Variants in DCC observed in about 807,000 individuals in gnomAD.
DCC encodes DCC netrin 1 receptor.
In DCC, 58 loss-of-function variants were observed where a neutral mutation model predicts 172.5. That is an observed-to-expected ratio of 0.34 (90% CI 0.27 to 0.42). DCC has a LOEUF of 0.42. Ranked by LOEUF, DCC falls within the 10% of genes least tolerant of loss-of-function variation. The pLI, the probability that DCC is intolerant of heterozygous loss-of-function variation, is 1.00. For synonymous variants in DCC, 709 were observed against 644.5 expected (o/e 1.10, Z -1.52); for missense variants, 1,740 against 1,791.0 (o/e 0.97, Z 0.51).
At chr18:52,874,548 G>A (rs1487348681) in intron 2 of DCC, among the ~76,000 whole-genome samples, 1 of 152,112 alleles carries the variant, frequency 6.6e-6, no homozygotes, top group East Asian at 1.9e-4. Flanking sequence ...AAAGTTTTCA[G>A]GTTTAATTTT....
intron 1 of DCC, among the ~76,000 whole-genome samples, chr18:52,482,991 A>T (rs1324671139): frequency 1.3e-5 from 2 of 152,094 alleles, no homozygotes; most frequent in Non-Finnish European, 2.9e-5. Context: ...TCTCAAATGG[A>T]GGTGATAGTA....
At chr18:52,984,576 T>G (rs929601786) in intron 5 of DCC, among the ~76,000 whole-genome samples, 3 of 152,088 alleles carry the variant, frequency 2.0e-5, no homozygotes, top group Non-Finnish European at 4.4e-5. Context: ...TTAAGTGTGT[T>G]TATCCATTTA....
At chr18:53,109,832 G>T (rs545392439) in intron 7 of DCC, among the ~76,000 whole-genome samples, 3 of 151,500 alleles carry the variant, frequency 2.0e-5, no homozygotes, top group East Asian at 3.9e-4. Flanking sequence ...AGGTGGTTCT[G>T]AGTTTTCTGG....
At chr18:53,525,747 C>T (rs1351522604) in intron 27 of DCC, among the ~76,000 whole-genome samples, 1 of 152,118 alleles carries the variant, frequency 6.6e-6, no homozygotes, top group African/African-American at 2.4e-5. Flanking sequence ...TAGAAGAGAA[C>T]TGAGGCCACT....
intron 8 of DCC, among the ~76,000 whole-genome samples, chr18:53,168,857 C>A (rs904855557): frequency 3.3e-5 from 5 of 151,934 alleles, no homozygotes; most frequent in African/African-American, 4.8e-5. Flanking sequence ...GGTCTTTGAA[C>A]CTTGTTCCAT....
At chr18:52,826,306 G>A (rs113575796) in intron 2 of DCC, among the ~76,000 whole-genome samples, 6 of 152,232 alleles carry the variant, frequency 3.9e-5, no homozygotes, top group African/African-American at 7.2e-5. Context: ...GCAAGAGATA[G>A]GATTAGGTGT....
At chr18:53,485,719 T>C (rs563127340) in intron 25 of DCC, among the ~76,000 whole-genome samples, 1 of 152,226 alleles carries the variant, frequency 6.6e-6, no homozygotes, top group South Asian at 2.1e-4. Context: ...TTATCTTTTA[T>C]ATATTTAATC....
chr18:52,912,620 T>A (rs925329290), intron 3 of DCC, among the ~76,000 whole-genome samples: 4 of 152,080 alleles, frequency 2.6e-5, no homozygotes, highest in Non-Finnish European at 4.4e-5. Flanking sequence ...TGCTGTATGA[T>A]ATGGTATAAG....
intron 1 of DCC, among the ~76,000 whole-genome samples, chr18:52,374,276 T>G (rs1985253490): frequency 6.6e-6 from 1 of 152,058 alleles, no homozygotes; most frequent in African/African-American, 2.4e-5. Context: ...CTTTCTCAAA[T>G]GGGTTTTTGG....
At chr18:53,012,750 G>C (rs1421454027) in intron 5 of DCC, among the ~76,000 whole-genome samples, 1 of 151,940 alleles carries the variant, frequency 6.6e-6, no homozygotes, top group Non-Finnish European at 1.5e-5. Flanking sequence ...GCATTGATGA[G>C]ACTAAAACAT....
At chr18:53,096,815 C>T (rs2043094312) in intron 7 of DCC, among the ~76,000 whole-genome samples, 1 of 152,040 alleles carries the variant, frequency 6.6e-6, no homozygotes, top group Non-Finnish European at 1.5e-5. Flanking sequence ...TTATTATGAT[C>T]CTCGTCTGTG....
At chr18:52,689,125 C>T (rs2035888283) in intron 1 of DCC, among the ~76,000 whole-genome samples, 1 of 152,084 alleles carries the variant, frequency 6.6e-6, no homozygotes, top group South Asian at 2.1e-4. Flanking sequence ...CATCAATTGG[C>T]AAGCATTTAT....
chr18:52,381,182 G>T (rs1254469999), intron 1 of DCC, among the ~76,000 whole-genome samples: 1 of 152,098 alleles, frequency 6.6e-6, no homozygotes, highest in African/African-American at 2.4e-5. Context: ...TTGAACTATA[G>T]TGATATCACT....
chr18:53,379,602 G>A (rs1907567643), intron 15 of DCC, among the ~76,000 whole-genome samples: 1 of 152,124 alleles, frequency 6.6e-6, no homozygotes, highest in Admixed American at 6.5e-5. Context: ...TCAGGGGAAG[G>A]AGAACCCAGG....
intron 2 of DCC, among the ~76,000 whole-genome samples, chr18:52,780,856 A>G (rs2037526886): frequency 2.0e-5 from 3 of 152,064 alleles, no homozygotes. Flanking sequence ...CATTTCTTGT[A>G]CCCCATGAGA....
At position 52,619,232 on chromosome 18, in the gene DCC, G is replaced by A. The variant is rs2034438037; in HGVS notation, c.92-132822G>A. 2.0e-5 allele frequency among the ~76,000 whole-genome samples: 3 copies of A among 152,232 alleles called. No individual in the cohort carries two copies. In the South Asian group the frequency reaches 6.2e-4, roughly 32 times the overall value. ...TTGCCATTGTTTTAATCTACTAAGA[G>A]ATACTCCTGGCCATTCTATTTTGTA... On this transcript the variant is annotated intron_variant, in intron 1 of 28. Coordinates refer to ENST00000442544, the MANE Select transcript of DCC (RefSeq NM_005215.4).
intron 2 of DCC, among the ~76,000 whole-genome samples, chr18:52,827,380 G>GATATAGCA (rs1568129120): frequency 2.0e-5 from 3 of 152,200 alleles, no homozygotes; most frequent in African/African-American, 2.4e-5. Context: ...AGGTGATTTT[G>GATATAGCA]ATATAGCATA....
intron 7 of DCC, among the ~76,000 whole-genome samples, chr18:53,092,407 TAATA>T (rs989834116): frequency 2.6e-5 from 4 of 152,184 alleles, no homozygotes; most frequent in African/African-American, 9.7e-5. Context: ...CATAATAAAT[TAATA>T]GAGGAATCAA....
intron 1 of DCC, among the ~76,000 whole-genome samples, chr18:52,344,671 T>G (rs1983803129): frequency 6.6e-6 from 1 of 152,182 alleles, no homozygotes; most frequent in African/African-American, 2.4e-5. Flanking sequence ...TGCTGAAGTT[T>G]CTGAACAGAA....
Sources: gnomAD v4.1 joint callset for allele counts (sites outside exome capture counted in the v4.1 genomes callset) on GRCh38, gnomAD v4.1.1 for gene constraint, MANE v1.5 for transcripts, NCBI Gene and HGNC (gene_info 2026-07-23, HGNC 2026-07-21) for gene names.